The following EFCAB5 variants were observed in gnomAD, a reference collection of about 807,000 sequenced individuals.
The protein encoded by EFCAB5 is EF-hand calcium-binding domain-containing protein 5.
In EFCAB5, 131 loss-of-function variants were observed where a neutral mutation model predicts 167.9. The ratio of observed to expected loss-of-function variants is 0.78; its 90% confidence interval spans 0.68 to 0.90. The LOEUF (loss-of-function observed/expected upper bound fraction) is 0.90. Ranked by LOEUF, EFCAB5 falls within the 40% of genes least tolerant of loss-of-function variation. The pLI, the probability that EFCAB5 is intolerant of heterozygous loss-of-function variation, is 0.00. For synonymous variants in EFCAB5, 574 were observed against 602.8 expected (o/e 0.95, Z 0.70); for missense variants, 1,663 against 1,745.2 (o/e 0.95, Z 0.84).
intron 7 of EFCAB5, among the ~76,000 whole-genome samples, chr17:30,015,645 C>A (rs1426210649): frequency 1.3e-5 from 2 of 152,090 alleles, no homozygotes; most frequent in African/African-American, 2.4e-5. Context: ...TTTATTATAG[C>A]CATCTTTATG....
At chr17:30,051,446 A>G (rs2151775012) in intron 9 of EFCAB5, among the ~76,000 whole-genome samples, 1 of 152,360 alleles carries the variant, frequency 6.6e-6, no homozygotes, top group Admixed American at 6.5e-5. Context: ...AATACTCAAA[A>G]ATTTTATATC....
chr17:30,031,329 A>C (rs1028594415), intron 7 of EFCAB5, among the ~76,000 whole-genome samples: 2 of 152,204 alleles, frequency 1.3e-5, no homozygotes, highest in African/African-American at 4.8e-5. Flanking sequence ...AAAAATTTGC[A>C]GTTCTGACAA....
chr17:30,025,388 C>T (rs1392631853), intron 7 of EFCAB5, among the ~76,000 whole-genome samples: 2 of 152,128 alleles, frequency 1.3e-5, no homozygotes, highest in Admixed American at 6.6e-5. Context: ...CAAAAGAAGA[C>T]ATTTATGCAG....
At chr17:30,105,378 T>C (rs2071435951) in intron 22 of EFCAB5, among the ~76,000 whole-genome samples, 1 of 152,096 alleles carries the variant, frequency 6.6e-6, no homozygotes, top group Non-Finnish European at 1.5e-5. Flanking sequence ...TCCCAGCTAC[T>C]TGGGAGGCTG....
chr17:30,024,521 A>G (rs2069264826), intron 7 of EFCAB5, among the ~76,000 whole-genome samples: 1 of 152,180 alleles, frequency 6.6e-6, no homozygotes, highest in Non-Finnish European at 1.5e-5. Context: ...CCACTGCTCA[A>G]TGAAATAAAA....
At chr17:30,071,957 A>C (rs2070747581) in intron 14 of EFCAB5, among the ~76,000 whole-genome samples, 1 of 152,212 alleles carries the variant, frequency 6.6e-6, no homozygotes, top group African/African-American at 2.4e-5. Context: ...GAGCTTATTT[A>C]AAGAGAAAGT....
At chr17:29,997,462 T>C (rs901715162) in intron 6 of EFCAB5, among the ~76,000 whole-genome samples, 1 of 151,774 alleles carries the variant, frequency 6.6e-6, no homozygotes, top group Non-Finnish European at 1.5e-5. Context: ...TATATATATA[T>C]AGAATTCCCA....
intron 14 of EFCAB5, among the ~76,000 whole-genome samples, chr17:30,076,914 A>T (rs1252019294): frequency 1.3e-5 from 2 of 152,266 alleles, no homozygotes; most frequent in Non-Finnish European, 2.9e-5. Context: ...TGTTGAAAAG[A>T]TAAACAACAT....
intron 3 of EFCAB5, among the ~76,000 whole-genome samples, chr17:29,964,224 T>C (rs1187871598): frequency 1.3e-5 from 2 of 152,222 alleles, no homozygotes; most frequent in Non-Finnish European, 2.9e-5. Flanking sequence ...TTAGGTAATT[T>C]CAAGGAATTG....
At chr17:30,101,552 T>C (rs1390412014) in intron 22 of EFCAB5, among the ~76,000 whole-genome samples, 2 of 152,194 alleles carry the variant, frequency 1.3e-5, no homozygotes, top group Non-Finnish European at 2.9e-5. Context: ...GAGATGTGAC[T>C]ATGTAGATGG....
chr17:29,990,047 G>A (rs1233354898), intron 4 of EFCAB5, among the ~76,000 whole-genome samples: 1 of 152,110 alleles, frequency 6.6e-6, no homozygotes, highest in Non-Finnish European at 1.5e-5. Context: ...CCCCATTGTG[G>A]TAATAAATCT....
intron 7 of EFCAB5, among the ~76,000 whole-genome samples, chr17:30,027,159 G>C (rs1286799714): frequency 2.0e-5 from 3 of 150,304 alleles, no homozygotes; most frequent in Non-Finnish European, 4.4e-5. Context: ...GCTAATTTTT[G>C]TATTTTTAGT....
chr17:30,023,307 G>C (rs1319087683), intron 7 of EFCAB5, among the ~76,000 whole-genome samples: 1 of 152,030 alleles, frequency 6.6e-6, no homozygotes, highest in African/African-American at 2.4e-5. Context: ...GAAAAAACGA[G>C]AGAAGAATCA....
chr17:30,014,399 G>A (rs749852844), intron 7 of EFCAB5, among the ~76,000 whole-genome samples: 7 of 152,148 alleles, frequency 4.6e-5, no homozygotes, highest in Non-Finnish European at 1.0e-4. Flanking sequence ...TGACAGTGGG[G>A]TGTTAAAGTC....
chr17:30,093,764 A>G (rs898972794), intron 22 of EFCAB5, among the ~76,000 whole-genome samples: 25 of 152,252 alleles, frequency 1.6e-4, no homozygotes, highest in African/African-American at 5.1e-4. Flanking sequence ...AGGCTCCCCA[A>G]TCACCACCGC....
intron 14 of EFCAB5, chr17:30,068,767 G>A: frequency 1.4e-6 from 2 of 1,388,834 alleles, no homozygotes; most frequent in East Asian, 2.3e-5. Context: ...CTGGCCCAAG[G>A]GCAACTTCTC....
At chr17:30,054,222 C>A in intron 10 of EFCAB5, 74 bp downstream of exon 10, 1 of 1,452,166 alleles carries the variant, frequency 6.9e-7, no homozygotes, top group Non-Finnish European at 9.1e-7. Context: ...TCAGAAAACA[C>A]TCATTTAAGT....
intron 9 of EFCAB5, among the ~76,000 whole-genome samples, chr17:30,051,565 C>CA (rs1319318694): frequency 6.6e-6 from 1 of 152,030 alleles, no homozygotes; most frequent in African/African-American, 2.4e-5. Flanking sequence ...ATTTTATTAA[C>CA]AAAAAAATTT....
At chr17:30,038,705 C>G (rs1303129657) in intron 8 of EFCAB5, among the ~76,000 whole-genome samples, 1 of 152,224 alleles carries the variant, frequency 6.6e-6, no homozygotes, top group South Asian at 2.1e-4. Context: ...TCTAGGTGCT[C>G]TTGCCACTGT....
Sources: allele counts gnomAD v4.1 joint callset (sites outside exome capture counted in the v4.1 genomes callset), GRCh38; gene constraint gnomAD v4.1.1; transcripts MANE v1.5; gene names NCBI Gene and HGNC (gene_info 2026-07-23, HGNC 2026-07-21).